HIPK2: variants seen among roughly 807,000 people sequenced by gnomAD.
The protein encoded by HIPK2 is homeodomain-interacting protein kinase 2.
In HIPK2, 27 loss-of-function variants were observed where a neutral mutation model predicts 113.7. The observed-to-expected ratio is 0.24, with a 90% CI of 0.17 to 0.33. The LOEUF (loss-of-function observed/expected upper bound fraction) is 0.33, where lower values mean the gene tolerates loss of function less well. Ranked by LOEUF, HIPK2 falls within the 10% of genes least tolerant of loss-of-function variation. HIPK2 has a pLI of 1.00. For synonymous variants in HIPK2, 631 were observed against 642.2 expected (o/e 0.98, Z 0.26); for missense variants, 1,257 against 1,588.0 (o/e 0.79, Z 3.54).
chr7:139,623,395 A>G (rs144808907), intron 6 of HIPK2, among the ~76,000 whole-genome samples: 3,984 of 152,018 alleles, frequency 0.026, 177 homozygotes, highest in African/African-American at 0.092. Flanking sequence ...CTGCAGTTCC[A>G]GCTACTCGGG....
chr7:139,575,846 GC>G (rs762799752), intron 13 of HIPK2, among the ~76,000 whole-genome samples: 38 of 152,304 alleles, frequency 2.5e-4, no homozygotes, highest in Non-Finnish European at 4.9e-4. Flanking sequence ...AACAAGTCTG[GC>G]CCCCTCACCC....
At chr7:139,695,117 G>A (rs930643921) in intron 2 of HIPK2, among the ~76,000 whole-genome samples, 182 of 152,302 alleles carry the variant, frequency 1.2e-3, no homozygotes, top group African/African-American at 4.1e-3. Flanking sequence ...GTAGCTCAGT[G>A]CACGGACTTC....
chr7:139,670,722 TTC>T (rs1404360545), intron 2 of HIPK2, among the ~76,000 whole-genome samples: 1 of 148,740 alleles, frequency 6.7e-6, no homozygotes, highest in Non-Finnish European at 1.5e-5. Context: ...TAGGTTTTAT[TTC>T]TTTTTCTTTT....
At chr7:139,648,681 C>A (rs1801335134) in intron 2 of HIPK2, among the ~76,000 whole-genome samples, 1 of 152,156 alleles carries the variant, frequency 6.6e-6, no homozygotes, top group Non-Finnish European at 1.5e-5. Flanking sequence ...CGCCCCCCAC[C>A]CTTCTCATCA....
rs768327816 is a variant in HIPK2 at position 139,709,547 on chromosome 7, T to A, written c.1103+6385A>T. Among the ~76,000 whole-genome samples, 21 of 152,214 alleles carry A rather than the reference T, an allele frequency of 1.4e-4. 1 individual carries two copies. The highest frequency in any genetic ancestry group is 2.9e-4 in the Non-Finnish European group (20 of 68,016). On this transcript the variant is annotated intron_variant, in intron 2 of 14. Transcript: ENST00000406875. ...ATCATGGAGGGTTCCCAGTTTCAGCTAATGAGGCCAAGGTCAACCCACAGG... is the reference window on the plus strand; with the variant it reads ...ATCATGGAGGGTTCCCAGTTTCAGCAAATGAGGCCAAGGTCAACCCACAGG...
chr7:139,568,080 G>C lies in HIPK2; in HGVS notation c.*4847C>G, dbSNP rs944780273. ...CCACCCCAAGCTTGTTCCAATATGA[G>C]TGTTTGCCATTCCCAAGGTCCAACC... On this transcript the variant is annotated 3_prime_UTR_variant, in exon 15 of 15. Coordinates refer to ENST00000406875, the MANE Select transcript of HIPK2 (RefSeq NM_022740.5). The C allele has an allele frequency of 2.6e-5, 4 of 152,272 alleles. No individual in the cohort carries two copies. The highest frequency in any genetic ancestry group is 5.9e-5 in the Non-Finnish European group (4 of 68,110). The allele number at this position is 152,272 out of a possible 1,614,324, so 9.4% of individuals were successfully genotyped here.
chr7:139,752,606 C>G, intron 1 of HIPK2, among the ~76,000 whole-genome samples: 1 of 151,756 alleles, frequency 6.6e-6, no homozygotes. Flanking sequence ...GTCCTCCTAT[C>G]TTTAGACTTC....
intron 2 of HIPK2, among the ~76,000 whole-genome samples, chr7:139,666,331 C>T (rs1802048175): frequency 6.6e-6 from 1 of 152,220 alleles, no homozygotes; most frequent in Non-Finnish European, 1.5e-5. Context: ...GGAGCAGGGG[C>T]TGCCGTGGTG....
At chr7:139,717,063 C>T in intron 1 of HIPK2, 48 bp from the exon 2 acceptor site, 1 of 1,556,530 alleles carries the variant, frequency 6.4e-7, no homozygotes, top group South Asian at 1.2e-5. Flanking sequence ...CACCTTGGTA[C>T]AAGTAAACTC....
rs1798375393 is a variant in HIPK2, at chr7:139,573,365, C to G, written c.3159G>C (p.Gly1053=). 6.2e-7 allele frequency: 1 copy of G among 1,604,502 alleles called. No homozygotes were observed. Among genetic ancestry groups the G allele is most frequent in the African/African-American group, 1.3e-5 (1 of 74,816 alleles). The change falls in exon 15 of 15, where the codon GGG becomes GGC. Residue 1053 remains glycine, a synonymous_variant. Transcript: ENST00000406875. ...TGTAGGCCTGCTGCCTTCGGTGGCT[C>G]CCAGTGCGGTCCGTGGTGATGTGCT... The part of the protein sequence containing the change: ...AQQHITTDRT[G]SHRRQQAYIT...
chr7:139,632,788 T>C (rs1436473594), intron 2 of HIPK2, among the ~76,000 whole-genome samples: 1 of 152,012 alleles, frequency 6.6e-6, no homozygotes, highest in African/African-American at 2.4e-5. Flanking sequence ...TAAAAAAATA[T>C]GTCTCAAGGC....
intron 12 of HIPK2, among the ~76,000 whole-genome samples, chr7:139,586,621 T>A (rs1300325018): frequency 3.3e-5 from 5 of 151,356 alleles, no homozygotes; most frequent in African/African-American, 9.7e-5. Flanking sequence ...ATTAAAAAAA[T>A]AAGCAAAGTA....
chr7:139,718,883 A>G (rs1795323384), intron 1 of HIPK2, among the ~76,000 whole-genome samples: 2 of 152,236 alleles, frequency 1.3e-5, no homozygotes, highest in East Asian at 3.9e-4. Context: ...CTTTTCTTCA[A>G]TGCCCACATC....
intron 2 of HIPK2, among the ~76,000 whole-genome samples, chr7:139,662,933 C>T (rs1214407887): frequency 6.6e-6 from 1 of 152,102 alleles, no homozygotes; most frequent in African/African-American, 2.4e-5. Flanking sequence ...ATGCCACTTT[C>T]TTCATGTTGC....
intron 1 of HIPK2, among the ~76,000 whole-genome samples, chr7:139,741,980 T>A (rs1293149132): frequency 6.6e-6 from 1 of 152,168 alleles, no homozygotes; most frequent in African/African-American, 2.4e-5. Flanking sequence ...AAGAAAGAGA[T>A]CCAGAGAGAC....
chr7:139,724,126 C>A (rs747274508), intron 1 of HIPK2, among the ~76,000 whole-genome samples: 5 of 150,540 alleles, frequency 3.3e-5, no homozygotes. Context: ...TAGAATATGT[C>A]AAAAATATAT....
intron 1 of HIPK2, among the ~76,000 whole-genome samples, chr7:139,772,674 G>A (rs1471938351): frequency 4.6e-5 from 7 of 151,942 alleles, no homozygotes; most frequent in East Asian, 1.9e-4. Flanking sequence ...TGCAACCTCC[G>A]CCTCCTGGGT....
intron 1 of HIPK2, among the ~76,000 whole-genome samples, chr7:139,755,006 T>G (rs1796341432): frequency 6.6e-6 from 1 of 152,166 alleles, no homozygotes; most frequent in Admixed American, 6.5e-5. Flanking sequence ...GATCTTTCTG[T>G]TCGGATACTG....
At position 139,600,495 on chromosome 7, in the gene HIPK2, C is replaced by T; in HGVS notation, c.2357G>A (p.Gly786Asp). The T allele has an allele frequency of 6.2e-7, 1 of 1,614,040 alleles. No individual in the cohort carries two copies. Among genetic ancestry groups the T allele is most frequent in the Non-Finnish European group, 8.5e-7 (1 of 1,179,898 alleles). ...TLPAAQPLNVGVAHVMRQQPT... is the reference protein window; with the variant it reads ...TLPAAQPLNVDVAHVMRQQPT... The stretch of plus-strand genomic sequence containing the variant: ...CTGCTGCCGCATCACGTGGGCCACA[C>T]CCACATTTAAGGGCTGTGCTGCTGG... Residue 786 changes from glycine to aspartate, a missense_variant, in exon 11 of 15, where the codon GGT becomes GAT. Physicochemically the swap from Gly to Asp is moderately conservative, Grantham distance 94 (BLOSUM62 -1). Around this residue, in one of 5 missense-constraint regions of HIPK2, gnomAD observed 862 missense variants for 1,004.3 expected, o/e 0.86. Coordinates refer to ENST00000406875, the MANE Select transcript of HIPK2 (RefSeq NM_022740.5).
Sources: allele counts gnomAD v4.1 joint callset (sites outside exome capture counted in the v4.1 genomes callset), GRCh38; gene constraint gnomAD v4.1.1; regional missense constraint gnomAD v4.1.1; transcripts MANE v1.5; gene names NCBI Gene and HGNC (gene_info 2026-07-23, HGNC 2026-07-21).